Variants in FIBCD1 observed in about 807,000 individuals in gnomAD.
The protein encoded by FIBCD1 is fibrinogen C domain containing 1.
FIBCD1 carries 47 observed loss-of-function variants against 45.1 expected under a neutral mutation model. That is an observed-to-expected ratio of 1.04 (90% confidence interval 0.82 to 1.33). The LOEUF (loss-of-function observed/expected upper bound fraction) is 1.33. Among genes scored for constraint, FIBCD1 ranks in the 40% most tolerant of loss-of-function variants. The probability of loss-of-function intolerance (pLI) is 0.00; values close to 1 mark genes in which losing one functional copy is unlikely to be tolerated. For missense variants in FIBCD1, 653 were observed against 682.2 expected, an observed-to-expected ratio of 0.96 and a Z score of 0.48; for synonymous variants, 313 against 308.1, an observed-to-expected ratio of 1.02 and a Z score of -0.17.
chr9:130,920,510 T>C (rs1832244075), intron 4 of FIBCD1, among the ~76,000 whole-genome samples: 1 of 152,160 alleles, frequency 6.6e-6, no homozygotes, highest in African/African-American at 2.4e-5. Flanking sequence ...ACAGCCATCA[T>C]CTGGCAAGCA....
intron 4 of FIBCD1, among the ~76,000 whole-genome samples, chr9:130,917,550 G>A (rs970396283): frequency 2.0e-5 from 3 of 152,326 alleles, no homozygotes; most frequent in Non-Finnish European, 4.4e-5. Flanking sequence ...CGAGGGAGGC[G>A]GAGATGCCTC....
Position 130,909,576 on chromosome 9 carries a change from G to C in FIBCD1, c.946+2216C>G, listed in dbSNP as rs977228572. Among the ~76,000 whole-genome samples the C allele has an allele frequency of 4.6e-5, 7 of 152,256 alleles. No homozygotes were observed. The East Asian group carries it at 1.4e-3, about 29-fold the overall frequency. On this transcript the variant is annotated intron_variant, in intron 5 of 6. Coordinates refer to ENST00000372338, the MANE Select transcript of FIBCD1 (RefSeq NM_032843.5). The stretch of plus-strand genomic sequence containing the variant: ...TTCCACACAGGGAATTTTGTTGTAT[G>C]TAAATTATATCTCAAGAACAACCAG...
chr9:130,924,420 G>T (rs561385387), intron 2 of FIBCD1, 24 bp from the exon 3 acceptor site: 15 of 1,589,666 alleles, frequency 9.4e-6, no homozygotes, highest in Non-Finnish European at 1.3e-5. Context: ...GGGGTGAGCC[G>T]AGGGGGCAGG....
chr9:130,923,380 C>A (rs189042327), intron 4 of FIBCD1, among the ~76,000 whole-genome samples: 1 of 152,280 alleles, frequency 6.6e-6, no homozygotes, highest in Admixed American at 6.5e-5. Flanking sequence ...AGCCGGGCGC[C>A]CACACACATC....
intron 5 of FIBCD1, among the ~76,000 whole-genome samples, chr9:130,911,144 T>C (rs1239433404): frequency 2.0e-5 from 3 of 152,208 alleles, no homozygotes; most frequent in South Asian, 2.1e-4. Context: ...ACGCTGCTTT[T>C]ATGAGCTGCA....
At chr9:130,912,914 C>T (rs1832088251) in intron 4 of FIBCD1, among the ~76,000 whole-genome samples, 1 of 152,108 alleles carries the variant, frequency 6.6e-6, no homozygotes, top group South Asian at 2.1e-4. Flanking sequence ...GCTTGGCCTC[C>T]AGAGCCCTGT....
intron 4 of FIBCD1, among the ~76,000 whole-genome samples, chr9:130,917,793 G>T (rs1468518440): frequency 1.3e-5 from 2 of 152,222 alleles, no homozygotes; most frequent in Non-Finnish European, 2.9e-5. Flanking sequence ...CCATTAGGCA[G>T]ATGAGAAGAC....
chr9:130,912,352 G>A (rs1392439767), intron 4 of FIBCD1, among the ~76,000 whole-genome samples: 1 of 143,824 alleles, frequency 7.0e-6, no homozygotes, highest in Non-Finnish European at 1.5e-5. Flanking sequence ...GCTGCAGTGA[G>A]CTATGATCGT....
At chr9:130,920,510 T>G (rs1832244075) in intron 4 of FIBCD1, among the ~76,000 whole-genome samples, 1 of 152,160 alleles carries the variant, frequency 6.6e-6, no homozygotes, top group Non-Finnish European at 1.5e-5. Context: ...ACAGCCATCA[T>G]CTGGCAAGCA....
chr9:130,936,663 T>C (rs528257896), intron 1 of FIBCD1, among the ~76,000 whole-genome samples: 2 of 152,352 alleles, frequency 1.3e-5, no homozygotes, highest in Non-Finnish European at 2.9e-5. Context: ...GCTGGCCGTC[T>C]CCTGAGGCTC....
chr9:130,921,002 C>T (rs1322660755), intron 4 of FIBCD1, among the ~76,000 whole-genome samples: 1 of 152,256 alleles, frequency 6.6e-6, no homozygotes, highest in African/African-American at 2.4e-5. Context: ...GGGCACATCC[C>T]TGGCCTTCTC....
intron 2 of FIBCD1, among the ~76,000 whole-genome samples, chr9:130,928,201 G>C (rs1449238757): frequency 2.6e-5 from 4 of 152,222 alleles, no homozygotes; most frequent in Admixed American, 1.3e-4. Flanking sequence ...TGTCAGGTGA[G>C]CTGGCACTCC....
intron 1 of FIBCD1, among the ~76,000 whole-genome samples, chr9:130,931,156 C>G (rs1456423086): frequency 6.6e-6 from 1 of 152,186 alleles, no homozygotes; most frequent in Non-Finnish European, 1.5e-5. Flanking sequence ...CTGCTGCCCT[C>G]CAAGGAGGAG....
At chr9:130,914,414 C>T (rs779712233) in intron 4 of FIBCD1, among the ~76,000 whole-genome samples, 42 of 152,362 alleles carry the variant, frequency 2.8e-4, no homozygotes, top group Admixed American at 7.2e-4. Context: ...AGAGGCAGGA[C>T]AGACTTGGAG....
chr9:130,924,633 C>T (rs917512148), intron 2 of FIBCD1, among the ~76,000 whole-genome samples: 1 of 152,076 alleles, frequency 6.6e-6, no homozygotes, highest in African/African-American at 2.4e-5. Context: ...GGGGAGCAGG[C>T]GGGAGGGGAA....
At position 130,938,997 on chromosome 9, in the gene FIBCD1, ACT is replaced by A. The variant is rs1396068261; in HGVS notation, c.-392_-391del. 3 of 151,282 alleles carry A rather than the reference ACT, an allele frequency of 2.0e-5. No individual in the cohort carries two copies. Among genetic ancestry groups the A allele is most frequent in the Admixed American group, 6.6e-5 (1 of 15,232 alleles). 9.4% of individuals were successfully genotyped at this position (151,282 alleles called of 1,614,324 possible). On this transcript the variant is annotated 5_prime_UTR_variant, in exon 1 of 7. Coordinates refer to ENST00000372338, the MANE Select transcript of FIBCD1 (RefSeq NM_032843.5). Reference sequence around the variant, plus strand: ...TGCTCCCCTCGGCCTCCCCCGACACACTCACACACACGCGCGCGCTCACACCC... The same window carrying A: ...TGCTCCCCTCGGCCTCCCCCGACACACACACACACGCGCGCGCTCACACCC...
At chr9:130,934,613 C>A (rs184970816) in intron 1 of FIBCD1, among the ~76,000 whole-genome samples, 1 of 152,202 alleles carries the variant, frequency 6.6e-6, no homozygotes, top group Admixed American at 6.5e-5. Context: ...CTATAAGGGT[C>A]TTGCCCACCC....
chr9:130,914,802 C>T lies in FIBCD1; in HGVS notation c.850-2914G>A, dbSNP rs115994917. On this transcript the variant is annotated intron_variant, in intron 4 of 6. Transcript: ENST00000372338. ...AGACCCCAGCCCTGCCCTGACTCTT[C>T]AGGATGTGGCAGGAGGGGCTGTTCC... Among the ~76,000 whole-genome samples the T allele has an allele frequency of 5.8e-3, 888 of 152,344 alleles. 7 individuals are homozygous for T. The highest frequency in any genetic ancestry group is 0.02 in the African/African-American group (848 of 41,596).
At chr9:130,932,823 G>A (rs1254147907) in intron 1 of FIBCD1, among the ~76,000 whole-genome samples, 2 of 152,240 alleles carry the variant, frequency 1.3e-5, no homozygotes, top group Non-Finnish European at 2.9e-5. Context: ...AAGTATGGCT[G>A]GGTTTGATAT....
Sources: allele counts gnomAD v4.1 joint callset (sites outside exome capture counted in the v4.1 genomes callset), GRCh38; gene constraint gnomAD v4.1.1; transcripts MANE v1.5; gene names NCBI Gene and HGNC (gene_info 2026-07-23, HGNC 2026-07-21).